PTCD2: variants seen among roughly 807,000 people sequenced by gnomAD.
PTCD2 encodes the protein pentatricopeptide repeat domain 2, also known as pentatricopeptide repeat-containing protein 2, mitochondrial.
PTCD2 carries 31 observed loss-of-function variants against 42.6 expected under a neutral mutation model. That is an observed-to-expected ratio of 0.73 (90% CI 0.55 to 0.98). PTCD2 has a LOEUF of 0.98. Ranked by LOEUF, PTCD2 falls within the 50% of genes least tolerant of loss-of-function variation. The pLI, the probability that PTCD2 is intolerant of heterozygous loss-of-function variation, is 0.00. For synonymous variants in PTCD2, 183 were observed against 170.9 expected (o/e 1.07, Z -0.55); for missense variants, 476 against 454.8 (o/e 1.05, Z -0.42).
intron 7 of PTCD2, among the ~76,000 whole-genome samples, chr5:72,339,128 T>C (rs958315372): frequency 4.6e-5 from 7 of 152,336 alleles, no homozygotes; most frequent in Admixed American, 2.6e-4. Context: ...ACATATTTCA[T>C]AGTTACATCC....
rs1263100669 is a variant in PTCD2 at position 72,361,536 on chromosome 5, T to C, written c.*3109T>C. On this transcript the variant is annotated 3_prime_UTR_variant, in exon 10 of 10. Coordinates refer to ENST00000380639, the MANE Select transcript of PTCD2 (RefSeq NM_024754.5). ...TTATGACCTAGTCTCAGAAGTCTCA[T>C]AACATCACTTCCACTAAAGTCCCAA... is the stretch of plus-strand genomic sequence containing the variant. The C allele has an allele frequency of 1.3e-5, 2 of 152,194 alleles. No individual in the cohort carries two copies. The highest frequency in any genetic ancestry group is 1.3e-4 in the Admixed American group (2 of 15,284). 9.4% of individuals were successfully genotyped at this position (152,194 alleles called of 1,614,324 possible).
At chr5:72,332,484 TA>T (rs1225519712) in intron 4 of PTCD2, among the ~76,000 whole-genome samples, 1 of 152,134 alleles carries the variant, frequency 6.6e-6, no homozygotes, top group African/African-American at 2.4e-5. Flanking sequence ...GTAGAATTAT[TA>T]AAAATTCTCA....
In PTCD2 at chr5:72,364,164, C is replaced by A. The variant is rs539529652; in HGVS notation, c.*5737C>A. 3.5e-4 allele frequency: 54 copies of A among 152,328 alleles called. No homozygotes were observed. Among genetic ancestry groups the A allele is most frequent in the African/African-American group, 1.3e-3 (53 of 41,572 alleles). 9.4% of individuals were successfully genotyped at this position (152,328 alleles called of 1,614,324 possible). Reference sequence around the variant, plus strand: ...AATGGCATTAGCTCAAAAAAGTGTTCTCAAAAATTAATGGAAATTGGTGTA... The same window carrying A: ...AATGGCATTAGCTCAAAAAAGTGTTATCAAAAATTAATGGAAATTGGTGTA... On this transcript the variant is annotated 3_prime_UTR_variant, in exon 10 of 10. Coordinates refer to ENST00000380639, the MANE Select transcript of PTCD2 (RefSeq NM_024754.5).
chr5:72,361,135 TAGA>T lies in PTCD2; in HGVS notation c.*2711_*2713del, dbSNP rs1478807020. 1 of 152,188 alleles carries T rather than the reference TAGA, an allele frequency of 6.6e-6. No individual in the cohort carries two copies. Among genetic ancestry groups the T allele is most frequent in the Admixed American group, 6.5e-5 (1 of 15,280 alleles). The allele number at this position is 152,188 out of a possible 1,614,324, so 9.4% of individuals were successfully genotyped here. ...AGTATGATGAGTTCAGCACAGTTAC[TAGA>T]AGGAGACAAAAAGATATCTTCTTAA... On this transcript the variant is annotated 3_prime_UTR_variant, in exon 10 of 10. Transcript: ENST00000380639.
rs1753129150 is a variant in PTCD2 at position 72,363,095 on chromosome 5, A to T, written c.*4668A>T. 1 of 152,252 alleles carries T rather than the reference A, an allele frequency of 6.6e-6. No homozygotes were observed. The highest frequency in any genetic ancestry group is 6.5e-5 in the Admixed American group (1 of 15,288). The allele number at this position is 152,252 out of a possible 1,614,324, so 9.4% of individuals were successfully genotyped here. On this transcript the variant is annotated 3_prime_UTR_variant, in exon 10 of 10. Coordinates refer to ENST00000380639, the MANE Select transcript of PTCD2 (RefSeq NM_024754.5). ...TCTTTGCAGTGAACTAAAACTTCTT[A>T]TGAACTCTGGTTATACTGAAAACAG...
chr5:72,333,481 C>A (rs967007585), intron 4 of PTCD2, among the ~76,000 whole-genome samples: 16 of 152,152 alleles, frequency 1.1e-4, no homozygotes, highest in Non-Finnish European at 2.1e-4. Context: ...TCCTGTTTAT[C>A]ATTTCTTTAT....
chr5:72,332,296 A>G (rs1295404138), intron 4 of PTCD2, among the ~76,000 whole-genome samples: 2 of 152,210 alleles, frequency 1.3e-5, no homozygotes, highest in Non-Finnish European at 2.9e-5. Context: ...TGTGTATTAG[A>G]AAGATACCCA....
intron 3 of PTCD2, 66 bp from the exon 4 acceptor site, chr5:72,331,192 A>G: frequency 4.9e-6 from 5 of 1,010,866 alleles, no homozygotes; most frequent in South Asian, 1.3e-5. Flanking sequence ...AGTACCTGCC[A>G]TAGTCTGTGT....
chr5:72,361,258 T>A lies in PTCD2; in HGVS notation c.*2831T>A, dbSNP rs1753089298. On this transcript the variant is annotated 3_prime_UTR_variant, in exon 10 of 10. Transcript: ENST00000380639. The stretch of plus-strand genomic sequence containing the variant: ...TAAACAACACCAGTCATTGTGTTAT[T>A]TCTCATTATCCTAAGTACTGACTGG... The A allele has an allele frequency of 6.6e-6, 1 of 152,176 alleles. No individual in the cohort carries two copies. The highest frequency in any genetic ancestry group is 6.5e-5 in the Admixed American group (1 of 15,284). The allele number at this position is 152,176 out of a possible 1,614,324, so 9.4% of individuals were successfully genotyped here.
At position 72,331,288 on chromosome 5, in the gene PTCD2, G is replaced by T; in HGVS notation, c.381G>T (p.Leu127Phe). ...RYHAENKNFT[L>F]GEYKFGPLFV... The stretch of plus-strand genomic sequence containing the variant: ...ATGCAGAGAACAAAAATTTCACTTT[G>T]GGGGAGTATAAATTTGGACCGCTTT... Residue 127 changes from leucine (L) to phenylalanine (F), a missense_variant, in exon 4 of 10, where the codon TTG becomes TTT. Physicochemically the swap from Leu to Phe is conservative, Grantham distance 22. Coordinates refer to ENST00000380639, the MANE Select transcript of PTCD2 (RefSeq NM_024754.5). The T allele has an allele frequency of 6.2e-7, 1 of 1,613,622 alleles. No homozygotes were observed. Among genetic ancestry groups the T allele is most frequent in the Non-Finnish European group, 8.5e-7 (1 of 1,179,594 alleles).
intron 8 of PTCD2, among the ~76,000 whole-genome samples, chr5:72,344,914 C>G (rs923125965): frequency 6.6e-6 from 1 of 152,016 alleles, no homozygotes; most frequent in Non-Finnish European, 1.5e-5. Flanking sequence ...GGAGGCAGGG[C>G]GAGATCACAG....
chr5:72,339,565 G>A (rs1290789234), intron 7 of PTCD2, among the ~76,000 whole-genome samples: 8 of 152,100 alleles, frequency 5.3e-5, no homozygotes, highest in Admixed American at 5.2e-4. Flanking sequence ...CTTCTGCTGG[G>A]CCAAGATCAT....
At chr5:72,354,526 C>A (rs1044333195) in intron 9 of PTCD2, among the ~76,000 whole-genome samples, 4 of 150,886 alleles carry the variant, frequency 2.7e-5, no homozygotes, top group African/African-American at 7.3e-5. Flanking sequence ...CGAAAAGATT[C>A]TCTTGCCCAT....
intron 8 of PTCD2, among the ~76,000 whole-genome samples, chr5:72,349,369 T>A (rs1016524083): frequency 6.0e-4 from 91 of 152,348 alleles, no homozygotes; most frequent in African/African-American, 2.2e-3. Context: ...TACTGAGAAA[T>A]GGTCTTTGAG....
Position 72,359,164 on chromosome 5 carries a change from A to G in PTCD2, c.*737A>G, listed in dbSNP as rs1408885192. The G allele has an allele frequency of 6.6e-6, 1 of 152,200 alleles. No individual in the cohort carries two copies. Among genetic ancestry groups the G allele is most frequent in the African/African-American group, 2.4e-5 (1 of 41,438 alleles). 9.4% of individuals were successfully genotyped at this position (152,200 alleles called of 1,614,324 possible). A position where few individuals can be genotyped will look rare whatever the true frequency, so the allele number is the denominator to read the frequency against. ...ATGGGTAAGCCATGTGCTTTTCAAA[A>G]TAAGTGCCACTAAAAACCACATAAT... On this transcript the variant is annotated 3_prime_UTR_variant, in exon 10 of 10. Coordinates refer to ENST00000380639, the MANE Select transcript of PTCD2 (RefSeq NM_024754.5).
rs900811515 is a variant in PTCD2, at chr5:72,365,858, G to A, written c.*7431G>A. On this transcript the variant is annotated 3_prime_UTR_variant, in exon 10 of 10. Coordinates refer to ENST00000380639, the MANE Select transcript of PTCD2 (RefSeq NM_024754.5). ...AGGTGATACAGAATTCAACAAAAAC[G>A]GGGCTTATAAAAAGCCAGGGTTCAT... 5.3e-5 allele frequency: 8 copies of A among 152,024 alleles called. No homozygotes were observed. Among genetic ancestry groups the A allele is most frequent in the Admixed American group, 2.0e-4 (3 of 15,268 alleles). 9.4% of individuals were successfully genotyped at this position (152,024 alleles called of 1,614,324 possible).
chr5:72,343,905 GA>G (rs1275170045), intron 8 of PTCD2, among the ~76,000 whole-genome samples: 3 of 151,966 alleles, frequency 2.0e-5, no homozygotes, highest in African/African-American at 4.8e-5. Flanking sequence ...AGTTGCAAAA[GA>G]AAAAAACTTT....
chr5:72,328,868 A>G (rs956669928), intron 3 of PTCD2, among the ~76,000 whole-genome samples: 8 of 152,010 alleles, frequency 5.3e-5, no homozygotes, highest in Admixed American at 3.9e-4. Flanking sequence ...ATGATGAGAA[A>G]CTCGCTGCAT....
chr5:72,355,425 T>C (rs1006956975), intron 9 of PTCD2, among the ~76,000 whole-genome samples: 4 of 152,166 alleles, frequency 2.6e-5, no homozygotes, highest in Admixed American at 2.6e-4. Flanking sequence ...TTTTTTAAAT[T>C]TAATTTTAAA....
Sources: allele counts gnomAD v4.1 joint callset (sites outside exome capture counted in the v4.1 genomes callset), GRCh38; gene constraint gnomAD v4.1.1; transcripts MANE v1.5; gene names NCBI Gene and HGNC (gene_info 2026-07-23, HGNC 2026-07-21).